HVCN1: variants seen among roughly 807,000 people sequenced by gnomAD.
The protein encoded by HVCN1 is voltage-gated hydrogen channel 1.
A neutral mutation model predicts 29.2 loss-of-function variants in HVCN1; 14 were observed. That is an observed-to-expected ratio of 0.48 (90% CI 0.32 to 0.75). HVCN1 has a LOEUF of 0.75. HVCN1 is among the 30% of genes least tolerant of loss of function. HVCN1 has a pLI of 0.04. For synonymous variants in HVCN1, 131 were observed against 133.2 expected, an observed-to-expected ratio of 0.98 and a Z score of 0.11; for missense variants, 263 against 341.8, an observed-to-expected ratio of 0.77 and a Z score of 1.82.
At chr12:110,656,160 G>A (rs2067984338) in intron 4 of HVCN1, among the ~76,000 whole-genome samples, 1 of 152,232 alleles carries the variant, frequency 6.6e-6, no homozygotes, top group Non-Finnish European at 1.5e-5. Flanking sequence ...TACAGGGACG[G>A]CTGCTGTGCT....
intron 2 of HVCN1, among the ~76,000 whole-genome samples, chr12:110,697,236 A>G (rs1029956762): frequency 2.6e-5 from 4 of 152,088 alleles, no homozygotes; most frequent in Non-Finnish European, 5.9e-5. Context: ...TCATCAGTGC[A>G]CAACTGGTAT....
chr12:110,681,914 A>G (rs931151469), intron 3 of HVCN1, among the ~76,000 whole-genome samples: 4 of 152,040 alleles, frequency 2.6e-5, no homozygotes, highest in Non-Finnish European at 5.9e-5. Context: ...GACACAGTCT[A>G]TTTCCTACTC....
chr12:110,684,540 G>C (rs1052837394), intron 2 of HVCN1, among the ~76,000 whole-genome samples: 1 of 152,150 alleles, frequency 6.6e-6, no homozygotes, highest in Non-Finnish European at 1.5e-5. Context: ...AAACAGAGGA[G>C]TCACATTACG....
At chr12:110,683,431 A>G (rs1332537116) in intron 2 of HVCN1, among the ~76,000 whole-genome samples, 167 bp from the exon 3 acceptor site, 1 of 152,248 alleles carries the variant, frequency 6.6e-6, no homozygotes, top group Non-Finnish European at 1.5e-5. Context: ...TACATCCTGG[A>G]TATAGAGCCA....
At chr12:110,678,835 T>C (rs1299965368) in intron 3 of HVCN1, among the ~76,000 whole-genome samples, 1 of 152,166 alleles carries the variant, frequency 6.6e-6, no homozygotes, top group East Asian at 1.9e-4. Context: ...AGACACAGTT[T>C]TGGGGGGACA....
At chr12:110,665,832 C>A (rs1424066051) in intron 3 of HVCN1, among the ~76,000 whole-genome samples, 1 of 151,860 alleles carries the variant, frequency 6.6e-6, no homozygotes, top group African/African-American at 2.4e-5. Flanking sequence ...TGTGGAGAAA[C>A]CCCATCTCTA....
chr12:110,668,958 C>T (rs1311040996), intron 3 of HVCN1, among the ~76,000 whole-genome samples: 1 of 151,984 alleles, frequency 6.6e-6, no homozygotes, highest in African/African-American at 2.4e-5. Flanking sequence ...ACCAGGAGTC[C>T]TGGAGACCTC....
chr12:110,702,729 A>G (rs1593559269), intron 1 of HVCN1, among the ~76,000 whole-genome samples: 1 of 151,094 alleles, frequency 6.6e-6, no homozygotes, highest in Non-Finnish European at 1.5e-5. Flanking sequence ...ATCTTGGCTC[A>G]CTGCAACCTC....
chr12:110,692,403 T>C (rs763265839), upstream of HVCN1, among the ~76,000 whole-genome samples: 1 of 152,092 alleles, frequency 6.6e-6, no homozygotes, highest in Non-Finnish European at 1.5e-5. Context: ...CCCATTTTAG[T>C]TGGGAAAGTG....
At chr12:110,688,853 C>T (rs1004414595) in intron 1 of HVCN1, 145 bp from the exon 2 acceptor site, 3 of 152,492 alleles carry the variant, frequency 2.0e-5, no homozygotes, top group Non-Finnish European at 2.9e-5. Flanking sequence ...GTTCCCCTCC[C>T]CTGGACTCCA....
At chr12:110,652,656 C>T (rs915857238) in intron 5 of HVCN1, among the ~76,000 whole-genome samples, 1 of 152,174 alleles carries the variant, frequency 6.6e-6, no homozygotes, top group African/African-American at 2.4e-5. Flanking sequence ...GGCACATACA[C>T]CCATGCACAC....
chr12:110,693,060 G>A (rs1408719743), upstream of HVCN1, among the ~76,000 whole-genome samples: 1 of 151,600 alleles, frequency 6.6e-6, no homozygotes, highest in Non-Finnish European at 1.5e-5. Context: ...TTTATTTTTT[G>A]TAGAGATGGG....
Position 110,683,161 on chromosome 12 carries a change from A to G in HVCN1, c.21+64T>C, listed in dbSNP as rs76066472. 2.9e-3 allele frequency: 4,612 copies of G among 1,611,638 alleles called. 59 individuals are homozygous for G. The African/African-American group carries it at 0.032, about 11-fold the overall frequency. ...TTCTCCCTCTCCTGTTTGAAACACCAAACAGAATTATCCTCTCAAGGCTGG... is the reference window on the plus strand; with the variant it reads ...TTCTCCCTCTCCTGTTTGAAACACCGAACAGAATTATCCTCTCAAGGCTGG... On this transcript the variant is annotated intron_variant, in intron 3 of 7. Coordinates refer to ENST00000242607, the MANE Select transcript of HVCN1 (RefSeq NM_032369.4).
chr12:110,672,904 T>A (rs2136370477), intron 3 of HVCN1, among the ~76,000 whole-genome samples: 1 of 152,320 alleles, frequency 6.6e-6, no homozygotes, highest in East Asian at 1.9e-4. Context: ...TAAGTCCAAT[T>A]AAACCTCTTT....
At chr12:110,660,098 C>T (rs1002753196) in intron 4 of HVCN1, among the ~76,000 whole-genome samples, 21 of 151,580 alleles carry the variant, frequency 1.4e-4, no homozygotes, top group African/African-American at 4.6e-4. Flanking sequence ...GACAGTTGGC[C>T]GGGCACGGTG....
intron 2 of HVCN1, among the ~76,000 whole-genome samples, chr12:110,697,524 C>T (rs2069511136): frequency 6.6e-6 from 1 of 152,038 alleles, no homozygotes; most frequent in African/African-American, 2.4e-5. Context: ...TTGAAGGGAG[C>T]AGAGAAATGG....
intron 3 of HVCN1, among the ~76,000 whole-genome samples, chr12:110,681,028 C>T (rs2068949419): frequency 6.6e-6 from 1 of 152,196 alleles, no homozygotes; most frequent in Non-Finnish European, 1.5e-5. Flanking sequence ...AGGAAACTTA[C>T]CAAGGAGTCA....
At chr12:110,656,869 C>A (rs1332065660) in intron 4 of HVCN1, among the ~76,000 whole-genome samples, 1 of 152,088 alleles carries the variant, frequency 6.6e-6, no homozygotes, top group Non-Finnish European at 1.5e-5. Flanking sequence ...AGGTGCAAGC[C>A]TCTAGTAGGG....
intron 3 of HVCN1, among the ~76,000 whole-genome samples, chr12:110,682,417 T>A (rs1410175287): frequency 1.3e-5 from 2 of 152,198 alleles, no homozygotes; most frequent in Non-Finnish European, 2.9e-5. Flanking sequence ...CAGGCTCATC[T>A]TGAACTCCTG....
Sources: allele counts gnomAD v4.1 joint callset (sites outside exome capture counted in the v4.1 genomes callset), GRCh38; gene constraint gnomAD v4.1.1; transcripts MANE v1.5; gene names NCBI Gene and HGNC (gene_info 2026-07-23, HGNC 2026-07-21).